RFX3: variants seen among roughly 807,000 people sequenced by gnomAD.
RFX3 encodes the protein regulatory factor X3, also known as transcription factor RFX3.
A neutral mutation model predicts 98.6 loss-of-function variants in RFX3; 14 were observed. That is an observed-to-expected ratio of 0.14 (90% CI 0.09 to 0.22). The LOEUF is 0.22. RFX3 is among the 10% of genes least tolerant of loss of function. The pLI, the probability that RFX3 is intolerant of heterozygous loss-of-function variation, is 1.00. For synonymous variants in RFX3, 383 were observed against 328.4 expected (o/e 1.17, Z -1.80); for missense variants, 639 against 926.9 (o/e 0.69, Z 4.03).
chr9:3,483,342 A>C (rs555635385), intron 1 of RFX3, among the ~76,000 whole-genome samples: 3 of 152,242 alleles, frequency 2.0e-5, no homozygotes, highest in African/African-American at 7.2e-5. Context: ...CCAATCTATA[A>C]TAACAATAGT....
intron 1 of RFX3, among the ~76,000 whole-genome samples, chr9:3,486,692 T>C (rs1039510444): frequency 6.6e-6 from 1 of 152,206 alleles, no homozygotes; most frequent in Non-Finnish European, 1.5e-5. Flanking sequence ...TTCATGCTCA[T>C]ATCTAAAAGT....
intron 15 of RFX3, among the ~76,000 whole-genome samples, chr9:3,239,632 G>A (rs1397213267): frequency 2.0e-5 from 3 of 152,150 alleles, no homozygotes; most frequent in African/African-American, 7.2e-5. Flanking sequence ...TTACAATATT[G>A]GCCTTAGTTG....
rs149042220 is a variant in RFX3 at position 3,294,472 on chromosome 9, C to T, written c.550-1214G>A. 7.7e-4 allele frequency among the ~76,000 whole-genome samples: 117 copies of T among 152,194 alleles called. 1 individual carries two copies. In the East Asian group the frequency reaches 0.018, roughly 24 times the overall value. ...CTAGTGATGCAAAAATGAATGTGAT[C>T]TCATCCTTGTCCTCTAGGAATTTCC... On this transcript the variant is annotated intron_variant, in intron 5 of 16. Transcript: ENST00000617270.
chr9:3,510,583 C>T (rs1817573812), intron 1 of RFX3, among the ~76,000 whole-genome samples: 1 of 151,866 alleles, frequency 6.6e-6, no homozygotes, highest in South Asian at 2.1e-4. Flanking sequence ...TGATACTAAA[C>T]AGAATGTAAA....
chr9:3,343,404 T>A (rs16917215), intron 3 of RFX3, among the ~76,000 whole-genome samples: 10,961 of 152,248 alleles, frequency 0.072, 452 homozygotes, highest in African/African-American at 0.11. Flanking sequence ...TAACTTGCTG[T>A]TAATTCAGTG....
At chr9:3,327,162 A>T (rs1832016610) in intron 4 of RFX3, among the ~76,000 whole-genome samples, 1 of 152,026 alleles carries the variant, frequency 6.6e-6, no homozygotes, top group Non-Finnish European at 1.5e-5. Flanking sequence ...ATATACATAA[A>T]CTCAATTAAA....
intron 1 of RFX3, among the ~76,000 whole-genome samples, chr9:3,514,467 GCTTT>G (rs1362108317): frequency 7.1e-6 from 1 of 141,838 alleles, no homozygotes; most frequent in East Asian, 2.0e-4. Flanking sequence ...GTTTTGTTTT[GCTTT>G]GTTTTTTTGA....
intron 2 of RFX3, among the ~76,000 whole-genome samples, chr9:3,353,209 A>AG (rs1374514238): frequency 1.5e-5 from 1 of 66,022 alleles, no homozygotes; most frequent in Non-Finnish European, 3.0e-5. Flanking sequence ...GGGTAGGGGG[A>AG]GGGGGGAGGG....
At chr9:3,493,847 T>C (rs564980170) in intron 1 of RFX3, among the ~76,000 whole-genome samples, 100 of 151,804 alleles carry the variant, frequency 6.6e-4, no homozygotes, top group African/African-American at 2.3e-3. Flanking sequence ...TCCAACTCTT[T>C]ATACCAAAAT....
chr9:3,483,767 C>A (rs558034574), intron 1 of RFX3, among the ~76,000 whole-genome samples: 1 of 152,284 alleles, frequency 6.6e-6, no homozygotes, highest in Admixed American at 6.5e-5. Context: ...AATACGGTTT[C>A]TGGGGTAAAC....
chr9:3,238,413 T>C (rs1375466243), intron 15 of RFX3, among the ~76,000 whole-genome samples: 1 of 152,192 alleles, frequency 6.6e-6, no homozygotes, highest in Non-Finnish European at 1.5e-5. Context: ...GATGAAGTGC[T>C]TGTGTGTGCA....
At chr9:3,370,694 A>G (rs1373825163) in intron 2 of RFX3, among the ~76,000 whole-genome samples, 1 of 152,178 alleles carries the variant, frequency 6.6e-6, no homozygotes, top group Non-Finnish European at 1.5e-5. Context: ...CTGTAAATAA[A>G]TTATAGCTCA....
intron 1 of RFX3, among the ~76,000 whole-genome samples, chr9:3,415,168 T>C (rs1211268102): frequency 1.5e-5 from 2 of 137,076 alleles, no homozygotes; most frequent in African/African-American, 5.5e-5. Context: ...TATATATATA[T>C]ACTTATATAT....
At chr9:3,344,511 G>A (rs909326463) in intron 3 of RFX3, among the ~76,000 whole-genome samples, 6 of 152,060 alleles carry the variant, frequency 3.9e-5, no homozygotes, top group Non-Finnish European at 7.4e-5. Flanking sequence ...ATACATAACA[G>A]ACTAATCTCT....
intron 4 of RFX3, among the ~76,000 whole-genome samples, chr9:3,316,889 A>C (rs1487839077): frequency 6.6e-6 from 1 of 152,208 alleles, no homozygotes; most frequent in African/African-American, 2.4e-5. Context: ...AAATGGAAGA[A>C]TATTCCATAA....
chr9:3,415,171 T>TCATA (rs1842878292), intron 1 of RFX3, among the ~76,000 whole-genome samples: 1 of 136,806 alleles, frequency 7.3e-6, no homozygotes, highest in African/African-American at 2.8e-5. Context: ...ATATATATAC[T>TCATA]TATATATATA....
intron 1 of RFX3, among the ~76,000 whole-genome samples, chr9:3,429,054 G>T (rs914717365): frequency 2.1e-5 from 3 of 142,328 alleles, no homozygotes; most frequent in African/African-American, 8.0e-5. Context: ...ACGGAGTCTC[G>T]CTGTGTCTCC....
Position 3,225,004 on chromosome 9 carries a change from G to A in RFX3, c.*38C>T. On this transcript the variant is annotated 3_prime_UTR_variant, in exon 17 of 17. Transcript: ENST00000617270. ...TTTCAACTTAAGCCCAATATCAACA[G>A]GGTTAATGTAAGCTGGAAAAATACG... is the stretch of plus-strand genomic sequence containing the variant. 2.5e-6 allele frequency: 4 copies of A among 1,591,590 alleles called. No individual in the cohort carries two copies. Among genetic ancestry groups the A allele is most frequent in the Non-Finnish European group, 2.6e-6 (3 of 1,161,270 alleles).
intron 2 of RFX3, among the ~76,000 whole-genome samples, chr9:3,379,951 G>A (rs1453470409): frequency 6.6e-6 from 1 of 151,216 alleles, no homozygotes; most frequent in Non-Finnish European, 1.5e-5. Context: ...TTTTGAGACA[G>A]AGTTTTGCTC....
Sources: allele counts gnomAD v4.1 joint callset (sites outside exome capture counted in the v4.1 genomes callset), GRCh38; gene constraint gnomAD v4.1.1; transcripts MANE v1.5; gene names NCBI Gene and HGNC (gene_info 2026-07-23, HGNC 2026-07-21).